Variants in MUC17 observed in about 807,000 individuals in gnomAD.
The protein encoded by MUC17 is mucin-17.
MUC17 carries 190 observed loss-of-function variants against 170.3 expected under a neutral mutation model. That is an observed-to-expected ratio of 1.12 (90% CI 0.99 to 1.26). The LOEUF (loss-of-function observed/expected upper bound fraction) is 1.26. Ranked by LOEUF, MUC17 falls within the 50% of genes most tolerant of loss-of-function variation. The pLI, the probability that MUC17 is intolerant of heterozygous loss-of-function variation, is 0.00. For synonymous variants in MUC17, 2,325 were observed against 2,002.5 expected (o/e 1.16, Z -4.30); for missense variants, 6,415 against 5,530.0 (o/e 1.16, Z -5.08).
chr7:101,048,012 C>G lies in MUC17; in HGVS notation c.12432C>G (p.Ala4144=). ...TCFGDGCQNT[A]SRCKNGGTWD... is the part of the protein sequence containing the mutation. Reference sequence around the variant, plus strand: ...TTGGAGATGGGTGCCAGAATACGGCCTCTCGCTGCAAGAATGGAGGCACCT... The same window carrying G: ...TTGGAGATGGGTGCCAGAATACGGCGTCTCGCTGCAAGAATGGAGGCACCT... Residue 4144 remains alanine (A), a synonymous_variant, in exon 4 of 13, where the codon GCC becomes GCG. Transcript: ENST00000306151. 6.2e-7 allele frequency: 1 copy of G among 1,604,856 alleles called. No individual in the cohort carries two copies. Among genetic ancestry groups the G allele is most frequent in the Non-Finnish European group, 8.5e-7 (1 of 1,176,374 alleles).
In MUC17 at chr7:101,037,368, C is replaced by G; in HGVS notation, c.5952C>G (p.Ser1984Arg). 1.2e-6 allele frequency: 2 copies of G among 1,613,950 alleles called. No homozygotes were observed. Among genetic ancestry groups the G allele is most frequent in the Non-Finnish European group, 1.7e-6 (2 of 1,179,930 alleles). Residue 1984 changes from serine (S) to arginine (R), a missense_variant, in exon 3 of 13, where the codon AGC becomes AGG. Ser to Arg is a moderately radical substitution (Grantham distance 110, BLOSUM62 -1). Transcript: ENST00000306151. ...CAACCCCAGCTTATAGTGAAGGAAG[C>G]ACTCCACTAACAAGTATGCCTCTCA... ...SMPTPAYSEG[S>R]TPLTSMPLST... is the part of the protein sequence containing the mutation.
rs2116435610 is a variant in MUC17, at chr7:101,037,828, G to A, written c.6412G>A (p.Glu2138Lys). The A allele has an allele frequency of 6.2e-7, 1 of 1,613,648 alleles. No individual in the cohort carries two copies. The highest frequency in any genetic ancestry group is 2.2e-5 in the East Asian group (1 of 44,846). ...CAACAGTCCTGTGATCACTTCTACT[G>A]AAGTCAGTTCATCTCCTATACCTAC... ...DSNSPVITST[E>K]VSSSPIPTEG... is the part of the protein sequence containing the mutation. The change falls in exon 3 of 13, where the codon GAA becomes AAA. Residue 2138 changes from glutamate to lysine, a missense_variant. Coordinates refer to ENST00000306151, the MANE Select transcript of MUC17 (RefSeq NM_001040105.2).
At chr7:101,029,629 C>T (rs544690622) in intron 1 of MUC17, among the ~76,000 whole-genome samples, 5 of 151,838 alleles carry the variant, frequency 3.3e-5, no homozygotes, top group South Asian at 2.1e-4. Flanking sequence ...GACAGAGTCT[C>T]GCTCTGTTGG....
At chr7:101,022,778 T>C (rs1374730213) in intron 1 of MUC17, among the ~76,000 whole-genome samples, 1 of 151,942 alleles carries the variant, frequency 6.6e-6, no homozygotes, top group Non-Finnish European at 1.5e-5. Flanking sequence ...ATTGCACTAC[T>C]GCACTCCAGC....
chr7:101,050,069 T>A (rs974001669), intron 6 of MUC17, among the ~76,000 whole-genome samples: 1 of 152,284 alleles, frequency 6.6e-6, no homozygotes, highest in South Asian at 2.1e-4. Flanking sequence ...AGTCAGAGGC[T>A]AGAGTAAGCC....
intron 2 of MUC17, 105 bp from the exon 3 acceptor site, chr7:101,031,496 C>T: frequency 8.1e-7 from 1 of 1,230,612 alleles, no homozygotes; most frequent in East Asian, 2.5e-5. Flanking sequence ...GGATGACATC[C>T]CTTATCTGAA....
At position 101,032,211 on chromosome 7, in the gene MUC17, G is replaced by T; in HGVS notation, c.795G>T (p.Leu265=). The change falls in exon 3 of 13, where the codon CTG becomes CTT. Residue 265 remains leucine, a synonymous_variant. Transcript: ENST00000306151. ...CTACAACTGCTGAAGGTCCCAGCCTGTCAAACTCAGCTCCTAGTGGAGGAA... is the reference window on the plus strand; with the variant it reads ...CTACAACTGCTGAAGGTCCCAGCCTTTCAAACTCAGCTCCTAGTGGAGGAA... ...SSPTTAEGPS[L]SNSAPSGGST... 6.2e-7 allele frequency: 1 copy of T among 1,614,098 alleles called. No homozygotes were observed. Among genetic ancestry groups the T allele is most frequent in the Non-Finnish European group, 8.5e-7 (1 of 1,180,002 alleles).
rs2116460510 is a variant in MUC17, at chr7:101,043,531, T to C, written c.12115T>C (p.Ser4039Pro). The change falls in exon 3 of 13, where the codon TCT (serine) becomes CCT (proline). Residue 4039 changes from serine (S) to proline (P), a missense_variant. Physicochemically the swap from Ser to Pro is moderately conservative, Grantham distance 74. Transcript: ENST00000306151. Reference sequence around the variant, plus strand: ...AACCAGTACACCTCACACCTCTACTTCTGTCACCACCCGTCCTGTGACCCC... The same window carrying C: ...AACCAGTACACCTCACACCTCTACTCCTGTCACCACCCGTCCTGTGACCCC... ...SATSTPHTST[S>P]VTTRPVTPSS... 3 of 1,614,168 alleles carry C rather than the reference T, an allele frequency of 1.9e-6. No individual in the cohort carries two copies. The highest frequency in any genetic ancestry group is 2.2e-5 in the East Asian group (1 of 44,884).
At position 101,038,661 on chromosome 7, in the gene MUC17, C is replaced by A. The variant is rs760422444; in HGVS notation, c.7245C>A (p.Ser2415Arg). 1 of 1,614,024 alleles carries A rather than the reference C, an allele frequency of 6.2e-7. No homozygotes were observed. The highest frequency in any genetic ancestry group is 2.2e-5 in the East Asian group (1 of 44,866). ...TGCCGGTGGTCAGTTCTGAGGCTAGCACCCATTCCACAACTCCTGTTGACA... is the reference window on the plus strand; with the variant it reads ...TGCCGGTGGTCAGTTCTGAGGCTAGAACCCATTCCACAACTCCTGTTGACA... ...STMPVVSSEA[S>R]THSTTPVDTS... Residue 2415 changes from serine to arginine, a missense_variant, in exon 3 of 13, where the codon AGC becomes AGA. Transcript: ENST00000306151.
rs1794957580 is a variant in MUC17 at position 101,052,017 on chromosome 7, C to T, written c.13103+55C>T. On this transcript the variant is annotated intron_variant, in intron 9 of 12. Coordinates refer to ENST00000306151, the MANE Select transcript of MUC17 (RefSeq NM_001040105.2). ...GCCCAGACGTCCTGGTCCTCCCCTC[C>T]CCTGCAGGGCTTCACCCCAGGCATT... 4 of 1,564,974 alleles carry T rather than the reference C, an allele frequency of 2.6e-6. No homozygotes were observed. In the East Asian group the frequency reaches 9.0e-5, roughly 35 times the overall value.
At chr7:101,049,069 T>C (rs1189815501) in intron 5 of MUC17, 97 bp downstream of exon 5, 3 of 1,556,636 alleles carry the variant, frequency 1.9e-6, no homozygotes, top group Non-Finnish European at 8.8e-7. Flanking sequence ...CCTTGTTAGA[T>C]GTGCGGGAGT....
At position 101,041,769 on chromosome 7, in the gene MUC17, A is replaced by T. The variant is rs757049658; in HGVS notation, c.10353A>T (p.Ser3451=). 1.8e-5 allele frequency: 29 copies of T among 1,613,378 alleles called. No individual in the cohort carries two copies. The highest frequency in any genetic ancestry group is 2.5e-5 in the Non-Finnish European group (29 of 1,179,934). The change falls in exon 3 of 13, where the codon TCA becomes TCT. Residue 3451 remains serine, a synonymous_variant. Coordinates refer to ENST00000306151, the MANE Select transcript of MUC17 (RefSeq NM_001040105.2). ...TIAEGTSLPT[S]TTSEGSTPLS... is the part of the protein sequence containing the mutation. ...CTGAAGGTACCAGCTTGCCAACCTC[A>T]ACTACTAGTGAAGGAAGCACTCCAT...
Position 101,040,780 on chromosome 7 carries a change from A to C in MUC17, c.9364A>C (p.Ile3122Leu), listed in dbSNP as rs913440886. ...CACCACACCGGTGACCAGTTCTGCA[A>C]TCAGCACCCTTTCAACAACTCCTGT... Reference protein sequence around the residue: ...VSTTPVTSSAISTLSTTPVDT... With the variant: ...VSTTPVTSSALSTLSTTPVDT... The change falls in exon 3 of 13, where the codon ATC becomes CTC. Residue 3122 changes from isoleucine to leucine, a missense_variant. Transcript: ENST00000306151. 7 of 1,608,274 alleles carry C rather than the reference A, an allele frequency of 4.4e-6. No homozygotes were observed. The African/African-American group carries it at 6.8e-5, about 16-fold the overall frequency.
Position 101,039,410 on chromosome 7 carries a change from C to A in MUC17, c.7994C>A (p.Thr2665Asn). The A allele has an allele frequency of 6.2e-7, 1 of 1,611,672 alleles. No homozygotes were observed. The highest frequency in any genetic ancestry group is 8.5e-7 in the Non-Finnish European group (1 of 1,179,202). The part of the protein sequence containing the change: ...TTPVDTRTLV[T>N]TSTGTSSSPT... Reference sequence around the variant, plus strand: ...CCTGTTGACACCAGGACACTTGTGACCACTTCCACTGGAACCAGTTCATCT... The same window carrying A: ...CCTGTTGACACCAGGACACTTGTGAACACTTCCACTGGAACCAGTTCATCT... The change falls in exon 3 of 13, where the codon ACC (threonine) becomes AAC (asparagine). Residue 2665 changes from threonine (T) to asparagine (N), a missense_variant. Thr to Asn is a moderately conservative substitution (Grantham distance 65, BLOSUM62 0). Transcript: ENST00000306151.
rs144884410 is a variant in MUC17, at chr7:101,038,744, G to C, written c.7328G>C (p.Gly2443Ala). 1.4e-5 allele frequency: 22 copies of C among 1,580,638 alleles called. No homozygotes were observed. In the African/African-American group the frequency reaches 2.0e-4, roughly 14 times the overall value. Residue 2443 changes from glycine (G) to alanine (A), a missense_variant, in exon 3 of 13, where the codon GGT becomes GCT. Gly to Ala is a moderately conservative substitution (Grantham distance 60, BLOSUM62 0). Transcript: ENST00000306151. ...EASSSPTTAE[G>A]TSIPTSPPSE... ...AGTTCATCTCCTACAACTGCTGAAG[G>C]TACCAGCATACCAACCTCACCTCCT...
rs1562807020 is a variant in MUC17, at chr7:101,034,720, C to T, written c.3304C>T (p.Pro1102Ser). Residue 1102 changes from proline to serine, a missense_variant, in exon 3 of 13, where the codon CCA (proline) becomes TCA (serine). Transcript: ENST00000306151. ...CTCAACTTATAGTGAAGGAAGCACTCCACTAACAAGTGTGCCTGTCAGCAC... is the reference window on the plus strand; with the variant it reads ...CTCAACTTATAGTGAAGGAAGCACTTCACTAACAAGTGTGCCTGTCAGCAC... Reference protein sequence around the residue: ...PTSTYSEGSTPLTSVPVSTRL... With the variant: ...PTSTYSEGSTSLTSVPVSTRL... 11 of 1,606,862 alleles carry T rather than the reference C, an allele frequency of 6.8e-6. No individual in the cohort carries two copies. The South Asian group carries it at 1.0e-4, about 15-fold the overall frequency.
rs1794656848 is a variant in MUC17 at position 101,040,424 on chromosome 7, A to C, written c.9008A>C (p.Glu3003Ala). ...SVSTMPVASS[E>A]ASTLSRTPAD... ...AGCACCATGCCGGTGGCCAGTTCTG[A>C]GGCTAGCACCCTTTCAAGAACTCCT... Residue 3003 changes from glutamate (E) to alanine (A), a missense_variant, in exon 3 of 13, where the codon GAG (glutamate) becomes GCG (alanine). Transcript: ENST00000306151. 6.2e-7 allele frequency: 1 copy of C among 1,610,626 alleles called. No individual in the cohort carries two copies. Among genetic ancestry groups the C allele is most frequent in the African/African-American group, 1.3e-5 (1 of 74,328 alleles).
Position 101,038,734 on chromosome 7 carries a change from A to C in MUC17, c.7318A>C (p.Thr2440Pro). The C allele has an allele frequency of 6.2e-7, 1 of 1,612,228 alleles. No individual in the cohort carries two copies. Among genetic ancestry groups the C allele is most frequent in the Non-Finnish European group, 8.5e-7 (1 of 1,179,050 alleles). ...TACTGAAGCCAGTTCATCTCCTACA[A>C]CTGCTGAAGGTACCAGCATACCAAC... ...TSTEASSSPT[T>P]AEGTSIPTSP... Residue 2440 changes from threonine to proline, a missense_variant, in exon 3 of 13, where the codon ACT (threonine) becomes CCT (proline). Physicochemically the swap from Thr to Pro is conservative, Grantham distance 38 (BLOSUM62 -1). Coordinates refer to ENST00000306151, the MANE Select transcript of MUC17 (RefSeq NM_001040105.2).
chr7:101,048,336 G>A, intron 4 of MUC17: 1 of 331,790 alleles, frequency 3.0e-6, no homozygotes. Context: ...GCTCTCGCCT[G>A]TAATTCCAGT....
Sources: gnomAD v4.1 joint callset for allele counts (sites outside exome capture counted in the v4.1 genomes callset) on GRCh38, gnomAD v4.1.1 for gene constraint, MANE v1.5 for transcripts, NCBI Gene and HGNC (gene_info 2026-07-23, HGNC 2026-07-21) for gene names.